KHDRBS2: variants seen among roughly 807,000 people sequenced by gnomAD.
KHDRBS2 encodes the protein KH RNA binding domain containing, signal transduction associated 2.
Under a neutral mutation model 44.3 loss-of-function variants are expected in KHDRBS2, and 26 were observed. The observed-to-expected ratio is 0.59, with a 90% CI of 0.43 to 0.81. The LOEUF (loss-of-function observed/expected upper bound fraction) is 0.81. Ranked by LOEUF, KHDRBS2 falls within the 40% of genes least tolerant of loss-of-function variation. KHDRBS2 has a pLI of 0.00. For synonymous variants in KHDRBS2, 194 were observed against 151.1 expected, an observed-to-expected ratio of 1.28 and a Z score of -2.08; for missense variants, 476 against 433.1, an observed-to-expected ratio of 1.10 and a Z score of -0.88.
the KHDRBS2 span, among the ~76,000 whole-genome samples, chr6:61,636,615 G>A: frequency 2.0e-5 from 3 of 152,214 alleles, no homozygotes; most frequent in South Asian, 6.2e-4. Flanking sequence ...CTGGGCAGAT[G>A]CTATTGGCAT....
intron 2 of KHDRBS2, among the ~76,000 whole-genome samples, chr6:62,087,765 T>G (rs1260385231): frequency 6.6e-6 from 1 of 152,208 alleles, no homozygotes; most frequent in Non-Finnish European, 1.5e-5. Flanking sequence ...GAAGTTCTCC[T>G]GGATAATATC....
chr6:62,087,847 G>T (rs1798700207), intron 2 of KHDRBS2, among the ~76,000 whole-genome samples: 1 of 152,132 alleles, frequency 6.6e-6, no homozygotes. Context: ...TGTAGGTTTA[G>T]TTTTTTCACG....
At chr6:62,004,493 G>T (rs889954641) in intron 3 of KHDRBS2, among the ~76,000 whole-genome samples, 7 of 151,994 alleles carry the variant, frequency 4.6e-5, no homozygotes, top group Non-Finnish European at 8.8e-5. Flanking sequence ...ACCAATAACA[G>T]ACTTTAAAAT....
At chr6:61,974,288 G>T (rs935915130) in intron 4 of KHDRBS2, among the ~76,000 whole-genome samples, 1 of 152,044 alleles carries the variant, frequency 6.6e-6, no homozygotes, top group Non-Finnish European at 1.5e-5. Context: ...CCCTAGAGTT[G>T]CACAAGACAC....
At chr6:62,210,015 T>G (rs1288164622) in intron 1 of KHDRBS2, among the ~76,000 whole-genome samples, 1 of 152,144 alleles carries the variant, frequency 6.6e-6, no homozygotes, top group Non-Finnish European at 1.5e-5. Context: ...ATCTTGTGAT[T>G]CTGTGAGTCA....
chr6:61,599,038 A>G, the KHDRBS2 span, among the ~76,000 whole-genome samples: 1 of 151,634 alleles, frequency 6.6e-6, no homozygotes, highest in African/African-American at 2.4e-5. Context: ...GGTTTAAGCA[A>G]TTCTCCTGTC....
At chr6:61,948,657 T>TATTATTATC (rs1764100727) in intron 4 of KHDRBS2, among the ~76,000 whole-genome samples, 2 of 69,628 alleles carry the variant, frequency 2.9e-5, no homozygotes. Flanking sequence ...ATTCTCACAT[T>TATTATTATC]ATTATTATTA....
the KHDRBS2 span, among the ~76,000 whole-genome samples, chr6:61,587,439 G>A: frequency 6.6e-6 from 1 of 151,876 alleles, no homozygotes; most frequent in Admixed American, 6.6e-5. Context: ...AGACCAACAG[G>A]AACATCTGCA....
chr6:62,078,308 G>T (rs527239428), intron 2 of KHDRBS2, among the ~76,000 whole-genome samples: 118 of 152,016 alleles, frequency 7.8e-4, no homozygotes, highest in Middle Eastern at 6.8e-3. Context: ...ATAATTGTGG[G>T]TTTTTTGGTG....
chr6:62,278,378 C>T (rs1437787408), intron 1 of KHDRBS2, among the ~76,000 whole-genome samples: 2 of 151,950 alleles, frequency 1.3e-5, no homozygotes, highest in South Asian at 2.1e-4. Flanking sequence ...AGACTGTATA[C>T]ATAAAGAGAA....
At chr6:62,036,130 C>T (rs540687631) in intron 3 of KHDRBS2, among the ~76,000 whole-genome samples, 57 of 151,998 alleles carry the variant, frequency 3.8e-4, no homozygotes, top group African/African-American at 1.4e-3. Flanking sequence ...TCTGCTTGTA[C>T]CTCACTATTT....
Position 62,087,343 on chromosome 6 carries a change from T to C in KHDRBS2, c.220-39349A>G, listed in dbSNP as rs563316276. On this transcript the variant is annotated intron_variant, in intron 2 of 8. Transcript: ENST00000281156. ...GATAAATCAGAATTAGGAAGAATAA[T>C]GTTTTAGGATCTAAAAAATTAGATT... Among the ~76,000 whole-genome samples, 6 of 152,156 alleles carry C rather than the reference T, an allele frequency of 3.9e-5. No homozygotes were observed. The South Asian group carries it at 1.2e-3, about 32-fold the overall frequency.
chr6:61,877,513 T>C (rs1295753554), intron 6 of KHDRBS2, among the ~76,000 whole-genome samples: 2 of 151,772 alleles, frequency 1.3e-5, no homozygotes, highest in Non-Finnish European at 2.9e-5. Flanking sequence ...TCTAAGTTTA[T>C]ATTCTCAGGG....
intron 6 of KHDRBS2, among the ~76,000 whole-genome samples, chr6:61,819,736 T>C (rs889340657): frequency 6.6e-6 from 1 of 151,958 alleles, no homozygotes. Flanking sequence ...AATAAACAAA[T>C]GAACATGATA....
intron 6 of KHDRBS2, among the ~76,000 whole-genome samples, chr6:61,846,854 C>T (rs1368552665): frequency 4.0e-5 from 6 of 151,776 alleles, no homozygotes; most frequent in Non-Finnish European, 7.4e-5. Flanking sequence ...AAAAGTGCAA[C>T]ACATCTTAAA....
chr6:61,871,952 G>T (rs1200024124), intron 6 of KHDRBS2, among the ~76,000 whole-genome samples: 1 of 145,178 alleles, frequency 6.9e-6, no homozygotes, highest in Non-Finnish European at 1.5e-5. Flanking sequence ...AGGGGGTGGG[G>T]GGGTAGGGGA....
chr6:61,690,095 CT>C (rs1034715210), intron 8 of KHDRBS2, among the ~76,000 whole-genome samples: 1 of 151,814 alleles, frequency 6.6e-6, no homozygotes, highest in Admixed American at 6.6e-5. Flanking sequence ...CGTATTTTGT[CT>C]TTTTTTCTTT....
chr6:62,065,087 C>T (rs1178725218), intron 2 of KHDRBS2, among the ~76,000 whole-genome samples: 14 of 152,124 alleles, frequency 9.2e-5, no homozygotes, highest in Non-Finnish European at 1.8e-4. Flanking sequence ...AATGAGATAC[C>T]ATCTCACACC....
intron 3 of KHDRBS2, among the ~76,000 whole-genome samples, chr6:62,036,905 A>G (rs1437321086): frequency 6.6e-6 from 1 of 151,984 alleles, no homozygotes; most frequent in African/African-American, 2.4e-5. Context: ...GAGTATTATG[A>G]CATAAAAGTA....
Sources: allele counts gnomAD v4.1 joint callset (sites outside exome capture counted in the v4.1 genomes callset), GRCh38; gene constraint gnomAD v4.1.1; transcripts MANE v1.5; gene names NCBI Gene and HGNC (gene_info 2026-07-23, HGNC 2026-07-21).